PXK: variants seen among roughly 807,000 people sequenced by gnomAD.
The protein encoded by PXK is PX domain containing serine/threonine kinase like.
Under a neutral mutation model 84.7 loss-of-function variants are expected in PXK, and 35 were observed. The observed-to-expected ratio is 0.41, with a 90% CI of 0.32 to 0.55. PXK has a LOEUF of 0.55. PXK is among the 20% of genes least tolerant of loss of function. The pLI, the probability that PXK is intolerant of heterozygous loss-of-function variation, is 0.21. For missense variants in PXK, 634 were observed against 699.7 expected, an observed-to-expected ratio of 0.91 and a Z score of 1.06; for synonymous variants, 253 against 260.8, an observed-to-expected ratio of 0.97 and a Z score of 0.29.
intron 1 of PXK, among the ~76,000 whole-genome samples, chr3:58,342,645 A>AAAAAG (rs2097757697): frequency 6.9e-6 from 1 of 145,976 alleles, no homozygotes; most frequent in Non-Finnish European, 1.5e-5. Context: ...AAAAAAAAAA[A>AAAAAG]AAAAAAGAAA....
chr3:58,336,059 ATATATATATATATTTTTTTT>A (rs1168245780), intron 1 of PXK, among the ~76,000 whole-genome samples: 705 of 58,370 alleles, frequency 0.012, 26 homozygotes, highest in African/African-American at 0.061. Context: ...ATATATATAT[ATATATATATATATTTTTTTT>A]TTTTTTTTTT....
rs140422850 is a variant in PXK at position 58,367,874 on chromosome 3, G to A, written c.154-1557G>A. Reference sequence around the variant, plus strand: ...ATTTTTGTGTGTTTTTTATAGAGATGGGGTTTGGCCATGTTGCCCAGGCTG... The same window carrying A: ...ATTTTTGTGTGTTTTTTATAGAGATAGGGTTTGGCCATGTTGCCCAGGCTG... On this transcript the variant is annotated intron_variant, in intron 2 of 17. Coordinates refer to ENST00000356151, the MANE Select transcript of PXK (RefSeq NM_017771.5). 2.9e-3 allele frequency among the ~76,000 whole-genome samples: 436 copies of A among 152,074 alleles called. 1 individual carries two copies. Among genetic ancestry groups the A allele is most frequent in the African/African-American group, 0.01 (423 of 41,508 alleles).
chr3:58,362,504 G>A (rs1263269444), intron 1 of PXK, among the ~76,000 whole-genome samples: 1 of 152,146 alleles, frequency 6.6e-6, no homozygotes, highest in Non-Finnish European at 1.5e-5. Context: ...GTGTCCAATT[G>A]CTCTGGCATC....
rs983273022 is a variant in PXK at position 58,383,729 on chromosome 3, A to T, written c.388+1029A>T. Among the ~76,000 whole-genome samples the T allele has an allele frequency of 2.0e-5, 3 of 152,166 alleles. No homozygotes were observed. Among genetic ancestry groups the T allele is most frequent in the Admixed American group, 6.5e-5 (1 of 15,272 alleles). On this transcript the variant is annotated intron_variant, in intron 4 of 17. Transcript: ENST00000356151. This position sits in a 1 kb window ranked among gnomAD's most constrained non-coding sequence, Gnocchi z 4.0. ...TGTCACTTTGAAAAGAACAGTAGAA[A>T]CCATTGTTTCACCTGATTTGTTTAA...
In PXK at chr3:58,421,306, G is replaced by A. The variant is rs2061805848; in HGVS notation, c.1529-3446G>A. On this transcript the variant is annotated intron_variant, in intron 17 of 17. Transcript: ENST00000356151. The surrounding 1 kb of genome is among the most constrained non-coding windows in gnomAD (Gnocchi z 5.5). Reference sequence around the variant, plus strand: ...AAGAGTCGGTGGGGAAGGGAGCCAGGCGCAGTGGCTCACATCTATAATCTC... The same window carrying A: ...AAGAGTCGGTGGGGAAGGGAGCCAGACGCAGTGGCTCACATCTATAATCTC... 2.0e-6 allele frequency: 2 copies of A among 985,176 alleles called. No individual in the cohort carries two copies. The highest frequency in any genetic ancestry group is 1.7e-5 in the African/African-American group (1 of 57,216). 61.0% of individuals were successfully genotyped at this position (985,176 alleles called of 1,614,324 possible).
chr3:58,399,436 T>A lies in PXK; in HGVS notation c.1181+59T>A. On this transcript the variant is annotated intron_variant, in intron 12 of 17. Transcript: ENST00000356151. This position sits in a 1 kb window ranked among gnomAD's most constrained non-coding sequence, Gnocchi z 4.3. The stretch of plus-strand genomic sequence containing the variant: ...ATAACTATGTTGAACACCAGACCAC[T>A]GTGTCCAAGCACCTGGTACTGTAGT... 6.6e-7 allele frequency: 1 copy of A among 1,512,070 alleles called. No homozygotes were observed. Among genetic ancestry groups the A allele is most frequent in the Non-Finnish European group, 9.2e-7 (1 of 1,091,900 alleles). The allele number at this position is 1,512,070 out of a possible 1,614,324, so 93.7% of individuals were successfully genotyped here. A position where few individuals can be genotyped will look rare whatever the true frequency, so the allele number is the denominator to read the frequency against.
chr3:58,384,494 T>TG (rs1380407270), intron 4 of PXK, among the ~76,000 whole-genome samples: 1 of 152,244 alleles, frequency 6.6e-6, no homozygotes, highest in Non-Finnish European at 1.5e-5. Flanking sequence ...CTTGTTTTTT[T>TG]TGTTCACGGA....
At chr3:58,395,544 G>T (rs2057517892) in intron 8 of PXK, 114 bp from the exon 9 acceptor site, 2 of 740,066 alleles carry the variant, frequency 2.7e-6, no homozygotes, top group East Asian at 5.1e-5. Context: ...ACATCTTGCA[G>T]CTGGCCATCT....
chr3:58,420,880 A>G (rs1401932384), intron 17 of PXK: 4 of 1,176,270 alleles, frequency 3.4e-6, no homozygotes, highest in East Asian at 5.3e-5. Flanking sequence ...TTTGGAAACC[A>G]TAACTCTCAA....
At position 58,391,828 on chromosome 3, in the gene PXK, A is replaced by G; in HGVS notation, c.596A>G (p.Lys199Arg). Residue 199 changes from lysine to arginine, a missense_variant, in exon 7 of 18, where the codon AAA (lysine) becomes AGA (arginine). Lys to Arg is a conservative substitution (Grantham distance 26). Around this residue, in one of 3 missense-constraint regions of PXK, gnomAD observed 353 missense variants for 385.2 expected, o/e 0.92. Coordinates refer to ENST00000356151, the MANE Select transcript of PXK (RefSeq NM_017771.5). Reference protein sequence around the residue: ...LSDKDFQCLIKLLPSCLHPYI... With the variant: ...LSDKDFQCLIRLLPSCLHPYI... ...GATAAAGATTTTCAGTGTCTAATCA[A>G]ACTTCTGCCTTCTTGTTTGGTGAGT... 1.2e-6 allele frequency: 2 copies of G among 1,612,382 alleles called. No individual in the cohort carries two copies. The highest frequency in any genetic ancestry group is 1.1e-5 in the South Asian group (1 of 91,050).
chr3:58,374,625 A>G (rs2098422516), intron 3 of PXK, among the ~76,000 whole-genome samples: 1 of 152,210 alleles, frequency 6.6e-6, no homozygotes, highest in Non-Finnish European at 1.5e-5. Flanking sequence ...ATGATGAGGC[A>G]TCCTGGCTTG....
intron 1 of PXK, among the ~76,000 whole-genome samples, chr3:58,338,937 C>A (rs2097675497): frequency 2.0e-5 from 3 of 152,068 alleles, no homozygotes; most frequent in South Asian, 4.1e-4. Context: ...TCTGCCTCAG[C>A]CTCCCAAAGT....
Position 58,390,512 on chromosome 3 carries a change from G to A in PXK, c.389-70G>A, listed in dbSNP as rs183264606. 1 of 1,157,902 alleles carries A rather than the reference G, an allele frequency of 8.6e-7. No homozygotes were observed. The highest frequency in any genetic ancestry group is 1.2e-6 in the Non-Finnish European group (1 of 803,164). The allele number at this position is 1,157,902 out of a possible 1,614,324, so 71.7% of individuals were successfully genotyped here. A position where few individuals can be genotyped will look rare whatever the true frequency, so the allele number is the denominator to read the frequency against. On this transcript the variant is annotated intron_variant, in intron 4 of 17. Transcript: ENST00000356151. This position sits in a 1 kb window ranked among gnomAD's most constrained non-coding sequence, Gnocchi z 4.2. ...TAGACTATAGGGATTTCATTTACAAGAATAATATCTTCAGCATATGGCCCT... is the reference window on the plus strand; with the variant it reads ...TAGACTATAGGGATTTCATTTACAAAAATAATATCTTCAGCATATGGCCCT...
In PXK at chr3:58,421,331, C is replaced by G. The variant is rs1444375532; in HGVS notation, c.1529-3421C>G. On this transcript the variant is annotated intron_variant, in intron 17 of 17. Transcript: ENST00000356151. The surrounding 1 kb of genome is among the most constrained non-coding windows in gnomAD (Gnocchi z 5.5). ...GCGCAGTGGCTCACATCTATAATCT[C>G]AGCACTTTGGGAGGCTGAGGCGGGC... is the stretch of plus-strand genomic sequence containing the variant. 1.0e-6 allele frequency: 1 copy of G among 983,628 alleles called. No individual in the cohort carries two copies. The highest frequency in any genetic ancestry group is 1.2e-6 in the Non-Finnish European group (1 of 828,604). The allele number at this position is 983,628 out of a possible 1,614,324, so 60.9% of individuals were successfully genotyped here.
intron 17 of PXK, 105 bp downstream of exon 17, chr3:58,413,068 A>T: frequency 8.1e-7 from 1 of 1,240,522 alleles, no homozygotes; most frequent in Non-Finnish European, 1.2e-6. Context: ...GTTAGATAGC[A>T]GCAGCTTTCT....
Position 58,397,289 on chromosome 3 carries a change from A to C in PXK, c.984+89A>C. 1 of 1,439,618 alleles carries C rather than the reference A, an allele frequency of 6.9e-7. No homozygotes were observed. Among genetic ancestry groups the C allele is most frequent in the Non-Finnish European group, 9.6e-7 (1 of 1,040,556 alleles). The allele number at this position is 1,439,618 out of a possible 1,614,324, so 89.2% of individuals were successfully genotyped here. On this transcript the variant is annotated intron_variant, in intron 10 of 17. Coordinates refer to ENST00000356151, the MANE Select transcript of PXK (RefSeq NM_017771.5). This position sits in a 1 kb window ranked among gnomAD's most constrained non-coding sequence, Gnocchi z 4.7. The stretch of plus-strand genomic sequence containing the variant: ...CCCATGTAGGAAATATGCACCAAGT[A>C]GTGAAAGGTATAGTTGGGACAGGCC...
At chr3:58,408,763 C>A (rs1020442012) in intron 13 of PXK, among the ~76,000 whole-genome samples, 161 bp from the exon 14 acceptor site, 1 of 152,154 alleles carries the variant, frequency 6.6e-6, no homozygotes, top group African/African-American at 2.4e-5. Context: ...ACCGCGTGAT[C>A]CGCCCGCCTT....
Position 58,332,976 on chromosome 3 carries a change from CG to C in PXK, c.-10del. The C allele has an allele frequency of 7.4e-7, 1 of 1,352,998 alleles. No individual in the cohort carries two copies. Among genetic ancestry groups the C allele is most frequent in the Non-Finnish European group, 9.6e-7 (1 of 1,039,466 alleles). The allele number at this position is 1,352,998 out of a possible 1,614,324, so 83.8% of individuals were successfully genotyped here. A position where few individuals can be genotyped will look rare whatever the true frequency, so the allele number is the denominator to read the frequency against. On this transcript the variant is annotated 5_prime_UTR_variant, in exon 1 of 18. Coordinates refer to ENST00000356151, the MANE Select transcript of PXK (RefSeq NM_017771.5). The surrounding 1 kb of genome is among the most constrained non-coding windows in gnomAD (Gnocchi z 5.6). ...CCTCGCGTCCCTAGGCGGCGGCGGC[CG>C]GGCGTCCCGGGATGGCCTTCATGGA...
chr3:58,408,275 A>T (rs1576680196), intron 13 of PXK, among the ~76,000 whole-genome samples: 1 of 152,330 alleles, frequency 6.6e-6, no homozygotes, highest in Non-Finnish European at 1.5e-5. Context: ...TAATTACTGT[A>T]GCTATGTAAT....
Sources: gnomAD v4.1 joint callset for allele counts (sites outside exome capture counted in the v4.1 genomes callset) on GRCh38, gnomAD v4.1.1 for gene constraint, gnomAD v4.1.1 regional missense constraint, Gnocchi (gnomAD v3.1) non-coding constraint, MANE v1.5 for transcripts, NCBI Gene and HGNC (gene_info 2026-07-23, HGNC 2026-07-21) for gene names.